The following CDH26 variants were observed in gnomAD, a reference collection of about 807,000 sequenced individuals.
The protein encoded by CDH26 is cadherin 26, also known as cadherin-like protein 26.
In CDH26, 83 loss-of-function variants were observed where a neutral mutation model predicts 90.3. That is an observed-to-expected ratio of 0.92 (90% CI 0.77 to 1.10). CDH26 has a LOEUF of 1.10. CDH26 is among the 50% of genes least tolerant of loss of function. The pLI is 0.00. For synonymous variants in CDH26, 397 were observed against 396.3 expected (o/e 1.00, Z -0.02); for missense variants, 1,013 against 1,037.6 (o/e 0.98, Z 0.33).
Position 59,987,651 on chromosome 20 carries a change from C to A in CDH26, c.1023+13C>A, listed in dbSNP as rs746088139. 5.0e-6 allele frequency: 8 copies of A among 1,590,992 alleles called. No individual in the cohort carries two copies. Among genetic ancestry groups the A allele is most frequent in the Non-Finnish European group, 6.0e-6 (7 of 1,167,226 alleles). ...AAATGTTATCAAGGTAACACCATAC[C>A]GGTGACATACCAACCAGTTAGTGGC... On this transcript the variant is annotated intron_variant, in intron 8 of 17. Transcript: ENST00000348616.
At chr20:60,033,446 T>A (rs1204921455) in intron 8 of CDH26, 1 of 1,293,236 alleles carries the variant, frequency 7.7e-7, no homozygotes, top group African/African-American at 1.5e-5. Context: ...TTTGCCTACG[T>A]TATTTAATTC....
chr20:59,996,316 G>A lies in CDH26; in HGVS notation c.1888+262G>A, dbSNP rs772993721. ...ATAGTCAAGGAGTGGCCCTTTGTTT[G>A]TAATAACCATGGAGACAGCAATGTA... On this transcript the variant is annotated intron_variant, in intron 12 of 17. Coordinates refer to ENST00000348616, the MANE Select transcript of CDH26 (RefSeq NM_177980.4). 11 of 1,394,792 alleles carry A rather than the reference G, an allele frequency of 7.9e-6. No homozygotes were observed. In the Admixed American group the frequency reaches 1.1e-4, roughly 14 times the overall value. The allele number at this position is 1,394,792 out of a possible 1,614,324, so 86.4% of individuals were successfully genotyped here.
At chr20:60,010,402 C>T (rs1328353668) in intron 17 of CDH26, among the ~76,000 whole-genome samples, 1 of 152,224 alleles carries the variant, frequency 6.6e-6, no homozygotes, top group African/African-American at 2.4e-5. Flanking sequence ...CAGGCTCCCA[C>T]TAAACCCATT....
chr20:59,988,545 GA>G (rs564813152), intron 8 of CDH26, among the ~76,000 whole-genome samples: 2 of 152,120 alleles, frequency 1.3e-5, no homozygotes, highest in Non-Finnish European at 2.9e-5. Flanking sequence ...TTTGTACCCT[GA>G]ATAACTATGA....
chr20:60,035,653 T>C (rs1261514615), downstream of CDH26, among the ~76,000 whole-genome samples: 1 of 152,130 alleles, frequency 6.6e-6, no homozygotes, highest in East Asian at 1.9e-4. Flanking sequence ...GTGCCCTCAT[T>C]CAAATCTCAT....
chr20:60,012,652 A>T lies in CDH26; in HGVS notation c.2421A>T (p.Gln807His), dbSNP rs111692932. The change falls in exon 18 of 18, where the codon CAA becomes CAT. Residue 807 changes from glutamine (Q) to histidine (H), a missense_variant. Coordinates refer to ENST00000348616, the MANE Select transcript of CDH26 (RefSeq NM_177980.4). Reference protein sequence around the residue: ...SSLASLEQELQPDLLDSLGSK... With the variant: ...SSLASLEQELHPDLLDSLGSK... ...TGGCCAGCTTGGAACAGGAGTTGCA[A>T]CCTGATTTGCTGGACTCTTTGGGTT... 3 of 1,613,306 alleles carry T rather than the reference A, an allele frequency of 1.9e-6. No individual in the cohort carries two copies. The highest frequency in any genetic ancestry group is 1.3e-5 in the African/African-American group (1 of 74,946).
intron 1 of CDH26, among the ~76,000 whole-genome samples, chr20:59,961,987 C>G (rs747817953): frequency 6.6e-6 from 1 of 152,152 alleles, no homozygotes; most frequent in African/African-American, 2.4e-5. Flanking sequence ...AATTGAGTTA[C>G]ATTTTAATAA....
rs3043443 is a variant in CDH26, at chr20:60,033,773, A to ATGTG, written c.*126_*129dup. ...GATGGCAATTATCCAGGTAGACAAGATGTGTGTGTGTGTGTGTGTGTGTGT... is the reference window on the plus strand; with the variant it reads ...GATGGCAATTATCCAGGTAGACAAGATGTGTGTGTGTGTGTGTGTGTGTGTGTGT... On this transcript the variant is annotated 3_prime_UTR_variant, in exon 9 of 9. Coordinates refer to the CDH26 transcript ENST00000370991. 7,990 of 897,260 alleles carry ATGTG rather than the reference A, an allele frequency of 8.9e-3. 62 individuals carry two copies. Among genetic ancestry groups the ATGTG allele is most frequent in the African/African-American group, 0.041 (2,076 of 50,296 alleles). 55.6% of individuals were successfully genotyped at this position (897,260 alleles called of 1,614,324 possible).
rs541523337 is a variant in CDH26, at chr20:59,997,715, G to C, written c.2019+954G>C. ...AAAAGGAAACACACACAGAGGATTC[G>C]GTCACCCCATCTTACACCTCCACCA... On this transcript the variant is annotated intron_variant, in intron 13 of 17. Transcript: ENST00000348616. Among the ~76,000 whole-genome samples the C allele has an allele frequency of 2.0e-5, 3 of 152,316 alleles. No individual in the cohort carries two copies. In the South Asian group the frequency reaches 6.2e-4, roughly 32 times the overall value.
downstream of CDH26, among the ~76,000 whole-genome samples, chr20:60,017,774 G>A (rs554470413): frequency 5.3e-4 from 81 of 151,978 alleles, no homozygotes; most frequent in Non-Finnish European, 3.5e-4. Context: ...TACTGTTTTT[G>A]CTATGTTCCA....
At chr20:59,970,431 C>A (rs974656423) in intron 3 of CDH26, among the ~76,000 whole-genome samples, 1 of 151,554 alleles carries the variant, frequency 6.6e-6, no homozygotes, top group African/African-American at 2.4e-5. Context: ...TCTCATACAG[C>A]AACAGGGTGG....
At chr20:60,024,693 A>G (rs557687125) in intron 7 of CDH26, among the ~76,000 whole-genome samples, 97 of 152,334 alleles carry the variant, frequency 6.4e-4, no homozygotes, top group African/African-American at 2.2e-3. Context: ...AGGCTCACAC[A>G]GGTCTGTGGG....
intron 7 of CDH26, among the ~76,000 whole-genome samples, chr20:60,027,656 C>A (rs983613572): frequency 6.6e-6 from 1 of 152,100 alleles, no homozygotes; most frequent in Non-Finnish European, 1.5e-5. Flanking sequence ...AACTGTGTAA[C>A]CCACATCCCA....
At chr20:59,977,831 G>C (rs142617774) in intron 4 of CDH26, among the ~76,000 whole-genome samples, 9 of 152,158 alleles carry the variant, frequency 5.9e-5, no homozygotes, top group Non-Finnish European at 1.2e-4. Context: ...GGCATCTTAC[G>C]TTTTATGGGT....
chr20:59,985,076 C>A lies in CDH26; in HGVS notation c.784C>A (p.His262Asn). 1 of 1,614,046 alleles carries A rather than the reference C, an allele frequency of 6.2e-7. No homozygotes were observed. Among genetic ancestry groups the A allele is most frequent in the South Asian group, 1.1e-5 (1 of 91,034 alleles). The change falls in exon 7 of 18, where the codon CAC (histidine) becomes AAC (asparagine). Residue 262 changes from histidine (H) to asparagine (N), a missense_variant. Coordinates refer to ENST00000348616, the MANE Select transcript of CDH26 (RefSeq NM_177980.4). ...GTCACTGTCATCCACGACCACCGTT[C>A]ACGTGGATGTGCAAGAAGGCAACAA... ...EPSLSSTTTVHVDVQEGNNHR... is the reference protein window; with the variant it reads ...EPSLSSTTTVNVDVQEGNNHR...
intron 7 of CDH26, among the ~76,000 whole-genome samples, chr20:60,022,926 C>T (rs1387771057): frequency 6.6e-6 from 1 of 152,244 alleles, no homozygotes; most frequent in East Asian, 1.9e-4. Flanking sequence ...GTAAAAGAAC[C>T]CTGATTCTTG....
At chr20:60,023,117 G>A (rs952718293) in intron 7 of CDH26, among the ~76,000 whole-genome samples, 1 of 152,246 alleles carries the variant, frequency 6.6e-6, no homozygotes, top group Non-Finnish European at 1.5e-5. Flanking sequence ...GATGGCTGGA[G>A]GTGGGGCAGC....
At position 59,968,019 on chromosome 20, in the gene CDH26, C is replaced by T. The variant is rs1338018950; in HGVS notation, c.70-948C>T. 5.0e-5 allele frequency among the ~76,000 whole-genome samples: 6 copies of T among 120,190 alleles called. No homozygotes were observed. The East Asian group carries it at 8.9e-4, about 18-fold the overall frequency. The allele number at this position is 120,190 out of a possible 152,430, so 78.8% of individuals were successfully genotyped here. ...TCTTTCTTTCTTTCTTTCTTCCTTT[C>T]TCTCTGTCTCTCTCTCTCTCTCTCT... On this transcript the variant is annotated intron_variant, in intron 1 of 17. Transcript: ENST00000348616.
intron 5 of CDH26, 65 bp from the exon 6 acceptor site, chr20:59,984,574 A>C (rs918964707): frequency 7.3e-7 from 1 of 1,361,412 alleles, no homozygotes; most frequent in Non-Finnish European, 1.0e-6. Context: ...CAAATAATTC[A>C]TCCTCTTACT....
Sources: gnomAD v4.1 joint callset for allele counts (sites outside exome capture counted in the v4.1 genomes callset) on GRCh38, gnomAD v4.1.1 for gene constraint, MANE v1.5 for transcripts, NCBI Gene and HGNC (gene_info 2026-07-23, HGNC 2026-07-21) for gene names.